Variants in GRIK1 observed in about 807,000 individuals in gnomAD.
GRIK1 encodes the protein glutamate receptor ionotropic, kainate 1.
In GRIK1, 69 loss-of-function variants were observed where a neutral mutation model predicts 105.7. The ratio of observed to expected loss-of-function variants is 0.65; its 90% CI spans 0.54 to 0.80. The LOEUF is 0.80. Among genes scored for constraint, GRIK1 ranks in the 30% least tolerant of loss-of-function variants. The pLI, the probability that GRIK1 is intolerant of heterozygous loss-of-function variation, is 0.00. For missense variants in GRIK1, 1,109 were observed against 1,167.3 expected (o/e 0.95, Z 0.73); for synonymous variants, 438 against 431.3 (o/e 1.02, Z -0.19).
chr21:29,893,672 G>A (rs527585783), intron 1 of GRIK1, among the ~76,000 whole-genome samples: 39 of 152,330 alleles, frequency 2.6e-4, no homozygotes, highest in Non-Finnish European at 4.4e-4. Flanking sequence ...TACCGCTTGC[G>A]TGTTGGGCAC....
chr21:29,667,443 A>T (rs1452189964), intron 4 of GRIK1, among the ~76,000 whole-genome samples: 1 of 152,002 alleles, frequency 6.6e-6, no homozygotes, highest in Admixed American at 6.5e-5. Flanking sequence ...ATTGAAAGAG[A>T]TTTAAAAAAA....
At chr21:29,828,057 A>G (rs75530910) in intron 1 of GRIK1, among the ~76,000 whole-genome samples, 9,406 of 151,276 alleles carry the variant, frequency 0.062, 448 homozygotes, top group Non-Finnish European at 0.095. Flanking sequence ...AATGAAACAC[A>G]GGGTGTCTCT....
At chr21:29,718,497 C>T (rs753274693) in intron 1 of GRIK1, among the ~76,000 whole-genome samples, 32 of 152,180 alleles carry the variant, frequency 2.1e-4, no homozygotes, top group Non-Finnish European at 4.1e-4. Context: ...ACCAGATTTG[C>T]TGTTGCTTTA....
chr21:29,583,645 A>G (rs889128319), intron 12 of GRIK1, among the ~76,000 whole-genome samples: 2 of 152,134 alleles, frequency 1.3e-5, no homozygotes, highest in Non-Finnish European at 2.9e-5. Context: ...AAAAAGAAAA[A>G]CTGTCTAAAC....
chr21:29,938,511 T>G (rs2071853354), intron 1 of GRIK1, among the ~76,000 whole-genome samples: 1 of 152,112 alleles, frequency 6.6e-6, no homozygotes, highest in Non-Finnish European at 1.5e-5. Flanking sequence ...CAAACCTTGG[T>G]GGTGGGTGCT....
At chr21:29,808,704 C>A (rs191561341) in intron 1 of GRIK1, among the ~76,000 whole-genome samples, 9 of 152,098 alleles carry the variant, frequency 5.9e-5, no homozygotes, top group African/African-American at 1.9e-4. Flanking sequence ...TAATACATAC[C>A]ACTTATGCAT....
At chr21:29,781,059 C>T (rs1440829088) in intron 1 of GRIK1, among the ~76,000 whole-genome samples, 2 of 152,094 alleles carry the variant, frequency 1.3e-5, no homozygotes, top group Admixed American at 1.3e-4. Flanking sequence ...AAATCTCACT[C>T]CCAGGGGTGA....
At chr21:29,807,187 G>A (rs1241494683) in intron 1 of GRIK1, among the ~76,000 whole-genome samples, 4 of 152,146 alleles carry the variant, frequency 2.6e-5, no homozygotes, top group Admixed American at 6.6e-5. Flanking sequence ...AAAAGCTATT[G>A]TTCATGACCT....
intron 3 of GRIK1, among the ~76,000 whole-genome samples, chr21:29,674,068 T>C (rs374020225): frequency 6.6e-6 from 1 of 151,568 alleles, no homozygotes; most frequent in Non-Finnish European, 1.5e-5. Context: ...TTGAGTTTTT[T>C]TTTTTGTTGT....
At chr21:29,817,057 A>G (rs750809988) in intron 1 of GRIK1, among the ~76,000 whole-genome samples, 7 of 152,074 alleles carry the variant, frequency 4.6e-5, no homozygotes, top group Non-Finnish European at 8.8e-5. Flanking sequence ...CCAAATATTC[A>G]CACTTATTAC....
intron 15 of GRIK1, among the ~76,000 whole-genome samples, chr21:29,558,480 G>A (rs1444631230): frequency 6.6e-6 from 1 of 151,414 alleles, no homozygotes; most frequent in Non-Finnish European, 1.5e-5. Flanking sequence ...TCCAACAGCT[G>A]TATTCTCAAT....
chr21:29,621,752 G>A (rs1232945675), intron 7 of GRIK1, among the ~76,000 whole-genome samples: 1 of 151,978 alleles, frequency 6.6e-6, no homozygotes, highest in Non-Finnish European at 1.5e-5. Flanking sequence ...TATCAGTCAG[G>A]GTGTACTAAT....
At chr21:29,686,124 T>C (rs2063482358) in intron 3 of GRIK1, among the ~76,000 whole-genome samples, 1 of 152,186 alleles carries the variant, frequency 6.6e-6, no homozygotes. Flanking sequence ...AATCTAAGCA[T>C]AGAAATAGAC....
At chr21:29,716,912 C>A (rs1266072253) in intron 1 of GRIK1, among the ~76,000 whole-genome samples, 1 of 152,210 alleles carries the variant, frequency 6.6e-6, no homozygotes, top group Non-Finnish European at 1.5e-5. Flanking sequence ...CCATCATAGG[C>A]CTGGAGGCCT....
intron 1 of GRIK1, among the ~76,000 whole-genome samples, chr21:29,772,131 A>AT (rs919827484): frequency 6.6e-5 from 10 of 152,020 alleles, no homozygotes; most frequent in Non-Finnish European, 8.8e-5. Context: ...TTACAGGCAC[A>AT]TTTTTTTTCA....
At chr21:29,923,928 C>T (rs1242278669) in intron 1 of GRIK1, among the ~76,000 whole-genome samples, 2 of 151,984 alleles carry the variant, frequency 1.3e-5, no homozygotes, top group Non-Finnish European at 2.9e-5. Flanking sequence ...ACTCTAATAA[C>T]AAACAAAACA....
intron 3 of GRIK1, 59 bp downstream of exon 3, chr21:29,689,668 CT>C: frequency 6.6e-7 from 1 of 1,506,908 alleles, no homozygotes; most frequent in Non-Finnish European, 9.2e-7. Context: ...CTATTTGATA[CT>C]TTCGTTCTGT....
intron 1 of GRIK1, among the ~76,000 whole-genome samples, chr21:29,705,677 T>C (rs1227142490): frequency 6.6e-6 from 1 of 152,168 alleles, no homozygotes; most frequent in African/African-American, 2.4e-5. Context: ...TCATATCAGA[T>C]TTATACTATC....
At chr21:29,721,105 C>T (rs984133297) in intron 1 of GRIK1, among the ~76,000 whole-genome samples, 6 of 152,088 alleles carry the variant, frequency 3.9e-5, no homozygotes, top group African/African-American at 7.2e-5. Context: ...CCCCTCTCCC[C>T]TATGAAGAAG....
Sources: allele counts gnomAD v4.1 joint callset (sites outside exome capture counted in the v4.1 genomes callset), GRCh38; gene constraint gnomAD v4.1.1; transcripts MANE v1.5; gene names NCBI Gene and HGNC (gene_info 2026-07-23, HGNC 2026-07-21).